The following TBC1D1 variants were observed in gnomAD, a reference collection of about 807,000 sequenced individuals.
The protein encoded by TBC1D1 is TBC1 (tre-2/USP6, BUB2, cdc16) domain family, member 1.
Under a neutral mutation model 125.6 loss-of-function variants are expected in TBC1D1, and 89 were observed. The observed-to-expected ratio is 0.71, with a 90% confidence interval of 0.60 to 0.85. The LOEUF (loss-of-function observed/expected upper bound fraction) is 0.85, where lower values mean the gene tolerates loss of function less well. TBC1D1 is among the 40% of genes least tolerant of loss of function. The probability of loss-of-function intolerance (pLI) is 0.00; values close to 1 mark genes in which losing one functional copy is unlikely to be tolerated. For synonymous variants in TBC1D1, 565 were observed against 564.1 expected (o/e 1.00, Z -0.02); for missense variants, 1,377 against 1,469.2 (o/e 0.94, Z 1.03).
intron 9 of TBC1D1, among the ~76,000 whole-genome samples, chr4:38,045,124 T>G (rs1393449201): frequency 6.6e-6 from 1 of 152,162 alleles, no homozygotes; most frequent in Non-Finnish European, 1.5e-5. Flanking sequence ...CACATGTACA[T>G]CAATCTGGGA....
intron 2 of TBC1D1, among the ~76,000 whole-genome samples, chr4:37,943,428 T>C (rs1304503319): frequency 6.6e-6 from 1 of 152,184 alleles, no homozygotes; most frequent in African/African-American, 2.4e-5. Flanking sequence ...TCCTGCAGAG[T>C]ATTTTCCAAC....
At chr4:37,949,725 T>G (rs1211428561) in intron 2 of TBC1D1, among the ~76,000 whole-genome samples, 1 of 152,246 alleles carries the variant, frequency 6.6e-6, no homozygotes, top group Non-Finnish European at 1.5e-5. Flanking sequence ...GTAAATATTT[T>G]CAACTCTGTA....
chr4:38,080,674 C>T (rs1756390109), intron 12 of TBC1D1, among the ~76,000 whole-genome samples: 1 of 152,062 alleles, frequency 6.6e-6, no homozygotes, highest in Admixed American at 6.5e-5. Context: ...CACCCCTCCT[C>T]ACCCCGACGA....
chr4:38,035,524 A>C (rs1392937356), intron 7 of TBC1D1, 64 bp from the exon 8 acceptor site: 2 of 1,353,012 alleles, frequency 1.5e-6, no homozygotes, highest in Non-Finnish European at 2.1e-6. Flanking sequence ...AGCATTTAAA[A>C]AGACGGCTTA....
chr4:38,020,704 G>A lies in TBC1D1; in HGVS notation c.1077+9G>A. ...GCACAAATGAGGCTCTGGTGAGAGA[G>A]GACAAGCAATTCTTACCTTGGAACC... is the stretch of plus-strand genomic sequence containing the variant. On this transcript the variant is annotated intron_variant, in intron 5 of 19. Coordinates refer to ENST00000261439, the MANE Select transcript of TBC1D1 (RefSeq NM_015173.4). 1 of 1,608,880 alleles carries A rather than the reference G, an allele frequency of 6.2e-7. No homozygotes were observed. Among genetic ancestry groups the A allele is most frequent in the Non-Finnish European group, 8.5e-7 (1 of 1,176,226 alleles).
chr4:37,927,323 A>G (rs918970749), intron 2 of TBC1D1, among the ~76,000 whole-genome samples: 2 of 152,114 alleles, frequency 1.3e-5, no homozygotes, highest in Non-Finnish European at 2.9e-5. Context: ...AGATTTTACA[A>G]TTTTTACAAA....
rs186650991 is a variant in TBC1D1 at position 37,964,740 on chromosome 4, G to C, written c.418-49769G>C. Among the ~76,000 whole-genome samples, 4 of 152,344 alleles carry C rather than the reference G, an allele frequency of 2.6e-5. No homozygotes were observed. The East Asian group carries it at 5.8e-4, about 22-fold the overall frequency. On this transcript the variant is annotated intron_variant, in intron 2 of 19. Transcript: ENST00000261439. ...GCTGCCTCAGACCCAACAAGAATTT[G>C]CTTCCTTTCTCTCTTCCTTCCTTCC...
At chr4:37,994,475 A>G (rs1464596241) in intron 2 of TBC1D1, among the ~76,000 whole-genome samples, 1 of 151,982 alleles carries the variant, frequency 6.6e-6, no homozygotes, top group Non-Finnish European at 1.5e-5. Context: ...GAACTCCTGG[A>G]TTCAAGCACC....
chr4:38,080,667 C>T (rs1031913947), intron 12 of TBC1D1, among the ~76,000 whole-genome samples: 1 of 152,200 alleles, frequency 6.6e-6, no homozygotes, highest in African/African-American at 2.4e-5. Context: ...CCACTCCCAC[C>T]CCTCCTCACC....
At chr4:38,069,796 G>GT (rs1754388558) in intron 12 of TBC1D1, among the ~76,000 whole-genome samples, 1 of 152,200 alleles carries the variant, frequency 6.6e-6, no homozygotes, top group Non-Finnish European at 1.5e-5. Flanking sequence ...AGGCACCGTG[G>GT]TATCAGGGAA....
chr4:38,019,817 G>A (rs985861520), intron 4 of TBC1D1, among the ~76,000 whole-genome samples: 1 of 152,098 alleles, frequency 6.6e-6, no homozygotes, highest in Non-Finnish European at 1.5e-5. Flanking sequence ...TCTACTCTGT[G>A]TGCATGTAAT....
chr4:37,957,429 G>A (rs1391102867), intron 2 of TBC1D1, among the ~76,000 whole-genome samples: 1 of 152,136 alleles, frequency 6.6e-6, no homozygotes, highest in African/African-American at 2.4e-5. Context: ...AGACCAGCCT[G>A]AGCAACACAG....
intron 12 of TBC1D1, among the ~76,000 whole-genome samples, chr4:38,083,129 G>T (rs758258976): frequency 3.9e-5 from 6 of 152,062 alleles, no homozygotes; most frequent in Non-Finnish European, 7.4e-5. Context: ...TTTGGTAGTG[G>T]CCTTTCATGT....
At chr4:37,974,540 G>A (rs1732677224) in intron 2 of TBC1D1, among the ~76,000 whole-genome samples, 1 of 140,930 alleles carries the variant, frequency 7.1e-6, no homozygotes, top group South Asian at 2.3e-4. Context: ...TGCATGGCCT[G>A]ATATTACTCT....
At chr4:38,124,907 G>T (rs1013003631) in intron 17 of TBC1D1, 55 bp from the exon 20 acceptor site, 3 of 1,487,668 alleles carry the variant, frequency 2.0e-6, no homozygotes, top group African/African-American at 1.4e-5. Context: ...CAATGGAATG[G>T]TATTGCGTGA....
intron 12 of TBC1D1, among the ~76,000 whole-genome samples, chr4:38,062,329 G>A (rs1752920130): frequency 6.8e-6 from 1 of 147,898 alleles, no homozygotes; most frequent in Non-Finnish European, 1.5e-5. Context: ...TATATTCCTT[G>A]CTCATTTGCA....
intron 2 of TBC1D1, among the ~76,000 whole-genome samples, chr4:37,990,573 G>A (rs1384049900): frequency 6.6e-6 from 1 of 152,182 alleles, no homozygotes; most frequent in African/African-American, 2.4e-5. Flanking sequence ...TAAGGCCAAA[G>A]CCTTCTTACG....
chr4:38,005,428 T>G (rs1739937400), intron 2 of TBC1D1, among the ~76,000 whole-genome samples: 1 of 152,170 alleles, frequency 6.6e-6, no homozygotes, highest in Admixed American at 6.5e-5. Flanking sequence ...TATGATTTGA[T>G]TTGAAAGACT....
At chr4:37,985,223 G>A (rs922912871) in intron 2 of TBC1D1, among the ~76,000 whole-genome samples, 2 of 152,202 alleles carry the variant, frequency 1.3e-5, no homozygotes, top group African/African-American at 4.8e-5. Flanking sequence ...AAAGTGCTGG[G>A]ATTACAGGCG....
Sources: allele counts gnomAD v4.1 joint callset (sites outside exome capture counted in the v4.1 genomes callset), GRCh38; gene constraint gnomAD v4.1.1; transcripts MANE v1.5; gene names NCBI Gene and HGNC (gene_info 2026-07-23, HGNC 2026-07-21).